PPM1B: variants seen among roughly 807,000 people sequenced by gnomAD.
PPM1B encodes the protein protein phosphatase 1B.
Under a neutral mutation model 43.0 loss-of-function variants are expected in PPM1B, and 22 were observed. The observed-to-expected ratio is 0.51, with a 90% confidence interval of 0.37 to 0.73. The LOEUF (loss-of-function observed/expected upper bound fraction) is 0.73, where lower values mean the gene tolerates loss of function less well. PPM1B is among the 30% of genes least tolerant of loss of function. PPM1B has a pLI of 0.00. For missense variants in PPM1B, 632 were observed against 584.2 expected (o/e 1.08, Z -0.84); for synonymous variants, 217 against 197.9 (o/e 1.10, Z -0.81).
chr2:44,245,328 A>C (rs1225471035), downstream of PPM1B, among the ~76,000 whole-genome samples: 2 of 151,956 alleles, frequency 1.3e-5, no homozygotes, highest in African/African-American at 4.8e-5. Context: ...TGAATGCCAG[A>C]TGATCTTTCA....
chr2:44,213,044 T>A (rs1572733096), intron 3 of PPM1B, among the ~76,000 whole-genome samples: 1 of 146,176 alleles, frequency 6.8e-6, no homozygotes, highest in African/African-American at 2.5e-5. Context: ...TTCCATTTAG[T>A]AAAAAGGAAA....
In PPM1B at chr2:44,231,235, T is replaced by A; in HGVS notation, c.*517T>A. ...TGTGTTGTTTGATTTGTTTATATTT[T>A]ACATCTCTGTAGTTTTATTTTTAGA... On this transcript the variant is annotated 3_prime_UTR_variant, in exon 6 of 6. Coordinates refer to ENST00000282412, the MANE Select transcript of PPM1B (RefSeq NM_002706.6). The A allele has an allele frequency of 2.0e-6, 2 of 980,432 alleles. No individual in the cohort carries two copies. Among genetic ancestry groups the A allele is most frequent in the Non-Finnish European group, 1.2e-6 (1 of 825,302 alleles). 60.7% of individuals were successfully genotyped at this position (980,432 alleles called of 1,614,324 possible).
chr2:44,185,895 A>G (rs1472735639), intron 1 of PPM1B, among the ~76,000 whole-genome samples: 2 of 152,206 alleles, frequency 1.3e-5, no homozygotes, highest in Non-Finnish European at 2.9e-5. Flanking sequence ...AGTGAATGCC[A>G]CTGATACTAC....
chr2:44,194,898 C>CTTTTTTTTTTTTTTTTTTTTTTTT (rs796213050), intron 1 of PPM1B, among the ~76,000 whole-genome samples: 1 of 123,260 alleles, frequency 8.1e-6, no homozygotes. Flanking sequence ...CAGTCTTTTG[C>CTTTTTTTTTTTTTTTTTTTTTTTT]TTTTTTTTTT....
chr2:44,230,142 T>C, intron 5 of PPM1B: 2 of 1,448,112 alleles, frequency 1.4e-6, no homozygotes, highest in Non-Finnish European at 1.8e-6. Context: ...TGTTGAATTA[T>C]AAAAGCTGAG....
intron 1 of PPM1B, among the ~76,000 whole-genome samples, chr2:44,183,658 AG>A (rs528188869): frequency 2.0e-3 from 300 of 152,328 alleles, no homozygotes; most frequent in African/African-American, 6.7e-3. Context: ...AGAATTAGCC[AG>A]AGAGCTTTTT....
intron 1 of PPM1B, among the ~76,000 whole-genome samples, chr2:44,171,657 C>T (rs1667351483): frequency 6.6e-6 from 1 of 151,498 alleles, no homozygotes; most frequent in Admixed American, 6.6e-5. Flanking sequence ...TGGTGAAACA[C>T]CATCTCTACT....
At position 44,199,855 on chromosome 2, in the gene PPM1B, T is replaced by C. The variant is rs566963883; in HGVS notation, c.-14-1331T>C. ...AAAACTGGTATGTAACTTATAAATA[T>C]TTACATATATATATCGAGTGGTTCA... On this transcript the variant is annotated intron_variant, in intron 1 of 5. Coordinates refer to ENST00000282412, the MANE Select transcript of PPM1B (RefSeq NM_002706.6). 1.7e-3 allele frequency among the ~76,000 whole-genome samples: 256 copies of C among 152,322 alleles called. 1 individual carries two copies. Among genetic ancestry groups the C allele is most frequent in the African/African-American group, 5.8e-3 (241 of 41,562 alleles).
intron 3 of PPM1B, among the ~76,000 whole-genome samples, chr2:44,214,595 A>T (rs536694876): frequency 1.5e-4 from 23 of 152,084 alleles, no homozygotes; most frequent in Non-Finnish European, 2.9e-4. Flanking sequence ...GCTTGAAGGG[A>T]GTGTCAGTGG....
chr2:44,209,864 T>G (rs1360100380), intron 3 of PPM1B, among the ~76,000 whole-genome samples: 1 of 152,200 alleles, frequency 6.6e-6, no homozygotes, highest in Non-Finnish European at 1.5e-5. Flanking sequence ...TAAAATTTAC[T>G]GTCTTGGACC....
intron 1 of PPM1B, among the ~76,000 whole-genome samples, chr2:44,190,291 A>G (rs918501704): frequency 6.6e-6 from 1 of 151,398 alleles, no homozygotes; most frequent in African/African-American, 2.4e-5. Flanking sequence ...AGTAGCTGGG[A>G]CTATAGGTGC....
downstream of PPM1B, among the ~76,000 whole-genome samples, chr2:44,239,179 C>CAAAAAAAAAAAA (rs1193340508): frequency 3.3e-5 from 3 of 89,634 alleles, no homozygotes; most frequent in Non-Finnish European, 6.9e-5. Flanking sequence ...GTCTCTAATA[C>CAAAAAAAAAAAA]AAAAAAAAAA....
At chr2:44,212,616 C>T (rs900497884) in intron 3 of PPM1B, among the ~76,000 whole-genome samples, 3 of 152,128 alleles carry the variant, frequency 2.0e-5, no homozygotes, top group Admixed American at 2.0e-4. Context: ...TGCCGTCTTT[C>T]GTGTTTCATC....
intron 1 of PPM1B, among the ~76,000 whole-genome samples, chr2:44,178,536 T>G (rs1667705262): frequency 6.6e-6 from 1 of 151,298 alleles, no homozygotes; most frequent in Admixed American, 6.6e-5. Flanking sequence ...GATGCAATCT[T>G]GGCTCATTGC....
In PPM1B at chr2:44,201,970, T is replaced by C. The variant is rs1375219105; in HGVS notation, c.771T>C (p.Tyr257=). The C allele has an allele frequency of 6.2e-7, 1 of 1,614,054 alleles. No individual in the cohort carries two copies. ...TGAGTAATGAGGAGCTCTGTGAATA[T>C]GTTAAATCTAGGCTTGAGGTATCTG... The part of the protein sequence containing the change: ...DVMSNEELCE[Y]VKSRLEVSDD... Residue 257 remains tyrosine (Y), a synonymous_variant, in exon 2 of 6, where the codon TAT becomes TAC. Transcript: ENST00000282412. The surrounding 1 kb of genome is among the most constrained non-coding windows in gnomAD (Gnocchi z 5.4).
chr2:44,197,557 C>G (rs143119611), intron 1 of PPM1B, among the ~76,000 whole-genome samples: 19 of 152,196 alleles, frequency 1.2e-4, no homozygotes, highest in Non-Finnish European at 2.9e-5. Context: ...GTGTCAGTAT[C>G]CAGTCAGGGA....
intron 1 of PPM1B, among the ~76,000 whole-genome samples, chr2:44,177,620 A>T (rs1667644811): frequency 6.6e-6 from 1 of 151,804 alleles, no homozygotes; most frequent in Non-Finnish European, 1.5e-5. Flanking sequence ...GGGTCTCACC[A>T]TGTTGGCCAG....
At chr2:44,176,377 G>C (rs1667581547) in intron 1 of PPM1B, among the ~76,000 whole-genome samples, 1 of 152,206 alleles carries the variant, frequency 6.6e-6, no homozygotes, top group Non-Finnish European at 1.5e-5. Flanking sequence ...TTGACCAATA[G>C]TGCCTGGTAC....
chr2:44,205,826 A>G (rs1669165601), intron 2 of PPM1B, among the ~76,000 whole-genome samples: 1 of 152,202 alleles, frequency 6.6e-6, no homozygotes, highest in South Asian at 2.1e-4. Context: ...GATAAAATTG[A>G]GGGAAATTAT....
Sources: gnomAD v4.1 joint callset for allele counts (sites outside exome capture counted in the v4.1 genomes callset) on GRCh38, gnomAD v4.1.1 for gene constraint, Gnocchi (gnomAD v3.1) non-coding constraint, MANE v1.5 for transcripts, NCBI Gene and HGNC (gene_info 2026-07-23, HGNC 2026-07-21) for gene names.